Variants in NRG1 observed in about 807,000 individuals in gnomAD.
NRG1 encodes the protein pro-neuregulin-1, membrane-bound isoform.
NRG1 carries 18 observed loss-of-function variants against 63.8 expected under a neutral mutation model. The observed-to-expected ratio is 0.28, with a 90% confidence interval of 0.19 to 0.42. The LOEUF (loss-of-function observed/expected upper bound fraction) is 0.42, where lower values mean the gene tolerates loss of function less well. Among genes scored for constraint, NRG1 ranks in the 10% least tolerant of loss-of-function variants. NRG1 has a pLI of 1.00. For synonymous variants in NRG1, 302 were observed against 301.3 expected (o/e 1.00, Z -0.02); for missense variants, 762 against 814.7 (o/e 0.94, Z 0.79).
chr8:31,822,133 A>G (rs554004970), intron 1 of NRG1, among the ~76,000 whole-genome samples: 3 of 152,330 alleles, frequency 2.0e-5, no homozygotes, highest in Admixed American at 6.5e-5. Context: ...GAGCTAGACC[A>G]TGGTCATCTG....
At chr8:32,488,360 T>A (rs1826150979) in intron 1 of NRG1, among the ~76,000 whole-genome samples, 1 of 152,196 alleles carries the variant, frequency 6.6e-6, no homozygotes, top group Non-Finnish European at 1.5e-5. Flanking sequence ...AAGGTGCAAG[T>A]AATCTTTCTC....
chr8:32,686,350 T>A (rs2128926421), intron 5 of NRG1, among the ~76,000 whole-genome samples: 1 of 152,256 alleles, frequency 6.6e-6, no homozygotes, highest in Middle Eastern at 3.4e-3. Flanking sequence ...GGAAATAAAG[T>A]TTCCCTGTAT....
intron 1 of NRG1, among the ~76,000 whole-genome samples, chr8:32,459,043 A>G (rs190586692): frequency 6.6e-6 from 1 of 152,144 alleles, no homozygotes; most frequent in East Asian, 1.9e-4. Flanking sequence ...GATGACACCT[A>G]ACACTCTAGT....
chr8:32,630,784 T>G (rs902799583), intron 5 of NRG1, among the ~76,000 whole-genome samples: 1 of 152,212 alleles, frequency 6.6e-6, no homozygotes, highest in South Asian at 2.1e-4. Context: ...TTGTTAACAT[T>G]TAAAGCATGC....
At chr8:32,478,640 G>A (rs1731431845) in intron 1 of NRG1, among the ~76,000 whole-genome samples, 1 of 152,184 alleles carries the variant, frequency 6.6e-6, no homozygotes, top group South Asian at 2.1e-4. Context: ...AATGAGTATG[G>A]AAATAGAGTA....
chr8:32,043,657 A>G (rs1162028751), intron 1 of NRG1, among the ~76,000 whole-genome samples: 1 of 151,978 alleles, frequency 6.6e-6, no homozygotes, highest in Non-Finnish European at 1.5e-5. Flanking sequence ...CTACTATAAT[A>G]TAAAAGGACC....
chr8:32,714,306 C>A (rs572489560), intron 5 of NRG1, among the ~76,000 whole-genome samples: 469 of 152,130 alleles, frequency 3.1e-3, no homozygotes, highest in Middle Eastern at 6.8e-3. Context: ...GACAAATGAA[C>A]AAAATGGCCA....
downstream of NRG1, among the ~76,000 whole-genome samples, chr8:32,771,918 G>A (rs1388926240): frequency 6.8e-6 from 1 of 146,870 alleles, no homozygotes; most frequent in Middle Eastern, 3.6e-3. Context: ...AGCTACTCGG[G>A]AGGCTGAGGC....
exon 1 of NRG1, chr8:32,548,665 C>T (rs1016755204): frequency 2.0e-6 from 3 of 1,529,882 alleles, no homozygotes; most frequent in African/African-American, 2.8e-5. Context: ...CCGATCCGAG[C>T]CCTTGGACCA....
chr8:32,085,040 C>T (rs148755156), intron 1 of NRG1, among the ~76,000 whole-genome samples: 1,733 of 152,292 alleles, frequency 0.011, 27 homozygotes, highest in African/African-American at 0.037. Context: ...TATGCGCAAG[C>T]GTAACTGCTG....
At chr8:31,939,272 A>C (rs73580673) in intron 1 of NRG1, among the ~76,000 whole-genome samples, 2,227 of 152,294 alleles carry the variant, frequency 0.015, 45 homozygotes, top group African/African-American at 0.051. Context: ...TCTTTAAACA[A>C]AACAATTATT....
intron 1 of NRG1, among the ~76,000 whole-genome samples, chr8:32,396,069 T>C (rs899239382): frequency 6.6e-6 from 1 of 152,188 alleles, no homozygotes; most frequent in Non-Finnish European, 1.5e-5. Context: ...TCTATTCTGT[T>C]CTATTGATCT....
chr8:32,565,368 C>T (rs11784382), intron 1 of NRG1, among the ~76,000 whole-genome samples: 30,439 of 152,180 alleles, frequency 0.2, 3,885 homozygotes, highest in Admixed American at 0.33. Flanking sequence ...AGCGATCCTT[C>T]TACTTTGGCC....
chr8:32,682,775 T>A (rs997232074), intron 5 of NRG1, among the ~76,000 whole-genome samples: 28 of 152,256 alleles, frequency 1.8e-4, no homozygotes, highest in Non-Finnish European at 1.6e-4. Flanking sequence ...AGAAAACTTA[T>A]GTTGTCTTTT....
chr8:32,585,496 C>T (rs66609031), intron 1 of NRG1, among the ~76,000 whole-genome samples: 39,020 of 152,060 alleles, frequency 0.26, 5,131 homozygotes, highest in South Asian at 0.33. Flanking sequence ...GGTGTATTGC[C>T]TTTACACCTC....
At chr8:32,424,793 C>G (rs1228076596) in intron 1 of NRG1, among the ~76,000 whole-genome samples, 1 of 152,042 alleles carries the variant, frequency 6.6e-6, no homozygotes, top group Non-Finnish European at 1.5e-5. Context: ...TCCAAGAGGT[C>G]AAGGCTGCGG....
chr8:31,712,291 A>T (rs1352358425), intron 1 of NRG1, among the ~76,000 whole-genome samples: 3 of 70,030 alleles, frequency 4.3e-5, no homozygotes, highest in Admixed American at 2.0e-4. Flanking sequence ...TTTTTGATGG[A>T]GTCTCACTCT....
chr8:32,451,783 G>A (rs1300074345), intron 1 of NRG1, among the ~76,000 whole-genome samples: 1 of 152,116 alleles, frequency 6.6e-6, no homozygotes, highest in Non-Finnish European at 1.5e-5. Context: ...GTTTCATTTT[G>A]TTTATTTGGG....
chr8:32,174,396 G>C (rs1429255993), intron 1 of NRG1, among the ~76,000 whole-genome samples: 3 of 151,786 alleles, frequency 2.0e-5, no homozygotes, highest in Non-Finnish European at 4.4e-5. Context: ...GATCTAAAAT[G>C]GACACCCTAA....
Sources: allele counts gnomAD v4.1 joint callset (sites outside exome capture counted in the v4.1 genomes callset), GRCh38; gene constraint gnomAD v4.1.1; transcripts MANE v1.5; gene names NCBI Gene and HGNC (gene_info 2026-07-23, HGNC 2026-07-21).